The following FGFR2 variants were observed in gnomAD, a reference collection of about 807,000 sequenced individuals.
FGFR2 encodes the protein BEK fibroblast growth factor receptor.
Under a neutral mutation model 95.9 loss-of-function variants are expected in FGFR2, and 19 were observed. The ratio of observed to expected loss-of-function variants is 0.20; its 90% confidence interval spans 0.14 to 0.29. The LOEUF is 0.29. Ranked by LOEUF, FGFR2 falls within the 10% of genes least tolerant of loss-of-function variation. FGFR2 has a pLI of 1.00. For synonymous variants in FGFR2, 392 were observed against 393.3 expected, an observed-to-expected ratio of 1.00 and a Z score of 0.04; for missense variants, 707 against 1,056.9, an observed-to-expected ratio of 0.67 and a Z score of 4.59.
chr10:121,494,935 A>G (rs1846580351), intron 13 of FGFR2, among the ~76,000 whole-genome samples: 2 of 152,140 alleles, frequency 1.3e-5, no homozygotes, highest in Non-Finnish European at 2.9e-5. Context: ...CCTTTCTAAG[A>G]ACTGGCCACC....
intron 2 of FGFR2, 47 bp from the exon 3 acceptor site, chr10:121,565,751 G>T (rs1565000898): frequency 6.2e-7 from 1 of 1,612,048 alleles, no homozygotes. Context: ...GGGAAGGAGG[G>T]AGAGGAGAGA....
chr10:121,498,654 T>C, intron 11 of FGFR2, 49 bp from the exon 12 acceptor site: 2 of 1,487,094 alleles, frequency 1.3e-6, no homozygotes, highest in Non-Finnish European at 1.9e-6. Flanking sequence ...CTCTAACTCA[T>C]GGGCAGCTAC....
intron 13 of FGFR2, among the ~76,000 whole-genome samples, chr10:121,489,021 T>C (rs766783024): frequency 3.3e-5 from 5 of 152,158 alleles, no homozygotes; most frequent in Non-Finnish European, 5.9e-5. Flanking sequence ...TCAGATGCTA[T>C]TGATTTCTTG....
At chr10:121,487,620 A>T (rs778389827) in intron 14 of FGFR2, among the ~76,000 whole-genome samples, 196 bp from the exon 15 acceptor site, 1 of 152,184 alleles carries the variant, frequency 6.6e-6, no homozygotes, top group South Asian at 2.1e-4. Flanking sequence ...ATAAAATGCC[A>T]TCTCCTTGGA....
chr10:121,572,984 A>T (rs1312968012), intron 2 of FGFR2, among the ~76,000 whole-genome samples: 1 of 152,270 alleles, frequency 6.6e-6, no homozygotes, highest in African/African-American at 2.4e-5. Context: ...ACTTCACTGC[A>T]CACATCCAGC....
At chr10:121,482,976 TAG>T (rs1844950406) in intron 17 of FGFR2, among the ~76,000 whole-genome samples, 1 of 152,148 alleles carries the variant, frequency 6.6e-6, no homozygotes, top group Non-Finnish European at 1.5e-5. Flanking sequence ...TTTGTATTTT[TAG>T]TAGAGACAGG....
rs750312209 is a variant in FGFR2 at position 121,551,362 on chromosome 10, G to T, written c.552C>A (p.Asn184Lys). 3 of 1,614,178 alleles carry T rather than the reference G, an allele frequency of 1.9e-6. No homozygotes were observed. The highest frequency in any genetic ancestry group is 1.1e-5 in the South Asian group (1 of 91,082). Residue 184 changes from asparagine to lysine, a missense_variant, in exon 5 of 18, where the codon AAC becomes AAA. Asn to Lys is a moderately conservative substitution (Grantham distance 94). This residue lies in a region of FGFR2 where 139 missense variants were observed against 278.1 expected (regional missense o/e 0.50). Transcript: ENST00000358487. Reference sequence around the variant, plus strand: ...TCAGCCACCGCATGGTTGGCATTGGGTTCCCCCCGGCTGGGCAGCGAAACT... The same window carrying T: ...TCAGCCACCGCATGGTTGGCATTGGTTTCCCCCCGGCTGGGCAGCGAAACT... ...TVKFRCPAGGNPMPTMRWLKN... is the reference protein window; with the variant it reads ...TVKFRCPAGGKPMPTMRWLKN...
At chr10:121,538,492 G>T in intron 6 of FGFR2, 100 bp downstream of exon 6, 1 of 1,508,792 alleles carries the variant, frequency 6.6e-7, no homozygotes, top group Non-Finnish European at 9.2e-7. Flanking sequence ...CAATTCTCCT[G>T]AAACTTATGG....
At chr10:121,523,879 A>G (rs1850913020) in intron 6 of FGFR2, among the ~76,000 whole-genome samples, 1 of 152,238 alleles carries the variant, frequency 6.6e-6, no homozygotes, top group Non-Finnish European at 1.5e-5. Flanking sequence ...TCGTTTCACA[A>G]GTAAACATTG....
chr10:121,516,160 G>GT (rs745635544), intron 8 of FGFR2, among the ~76,000 whole-genome samples: 29 of 152,102 alleles, frequency 1.9e-4, no homozygotes, highest in Non-Finnish European at 4.3e-4. Context: ...TACAAGCAGT[G>GT]TATTTCCAAA....
chr10:121,591,003 A>ACC (rs780344086), intron 2 of FGFR2, among the ~76,000 whole-genome samples: 1 of 144,936 alleles, frequency 6.9e-6, no homozygotes, highest in African/African-American at 2.5e-5. Context: ...ACACACACAC[A>ACC]CACGCACACT....
At chr10:121,493,055 G>A (rs542194194) in intron 13 of FGFR2, among the ~76,000 whole-genome samples, 160 of 152,236 alleles carry the variant, frequency 1.1e-3, no homozygotes, top group South Asian at 2.9e-3. Context: ...GAGGACATCT[G>A]AGTCCTCCTG....
At chr10:121,491,019 C>T (rs941261153) in intron 13 of FGFR2, among the ~76,000 whole-genome samples, 2 of 152,206 alleles carry the variant, frequency 1.3e-5, no homozygotes, top group African/African-American at 4.8e-5. Flanking sequence ...AACTTCCAAG[C>T]CCCGGGCCAA....
intron 6 of FGFR2, among the ~76,000 whole-genome samples, chr10:121,523,877 C>G (rs1228414283): frequency 6.6e-6 from 1 of 152,186 alleles, no homozygotes; most frequent in Admixed American, 6.5e-5. Flanking sequence ...AATCGTTTCA[C>G]AAGTAAACAT....
chr10:121,562,943 G>A (rs1190375544), intron 4 of FGFR2, among the ~76,000 whole-genome samples: 2 of 152,038 alleles, frequency 1.3e-5, no homozygotes, highest in African/African-American at 2.4e-5. Context: ...GAAACTGCTC[G>A]AAAAAATAAA....
intron 13 of FGFR2, 136 bp downstream of exon 13, chr10:121,496,396 C>A: frequency 1.1e-6 from 1 of 904,418 alleles, no homozygotes; most frequent in East Asian, 2.4e-5. Context: ...ATGGGAATAA[C>A]GCAATAAATA....
intron 4 of FGFR2, among the ~76,000 whole-genome samples, chr10:121,563,492 G>A (rs928590575): frequency 1.3e-5 from 2 of 152,126 alleles, no homozygotes; most frequent in Admixed American, 1.3e-4. Flanking sequence ...TACCATGTAA[G>A]CAGAGAATCC....
In FGFR2 at chr10:121,478,586, G is replaced by C. The variant is rs553168000; in HGVS notation, c.*1271C>G. 3 of 233,252 alleles carry C rather than the reference G, an allele frequency of 1.3e-5. No individual in the cohort carries two copies. The highest frequency in any genetic ancestry group is 6.0e-5 in the East Asian group (1 of 16,564). The allele number at this position is 233,252 out of a possible 1,614,324, so 14.4% of individuals were successfully genotyped here. On this transcript the variant is annotated 3_prime_UTR_variant, in exon 18 of 18. Coordinates refer to ENST00000358487, the MANE Select transcript of FGFR2 (RefSeq NM_000141.5). ...TTTGTCTGATGTAGGTATGAGGCTG[G>C]ATCTTTTGGTGAGGTCCTGCCAGAA...
At chr10:121,597,583 A>G (rs1290203305) in intron 1 of FGFR2, among the ~76,000 whole-genome samples, 1 of 152,018 alleles carries the variant, frequency 6.6e-6, no homozygotes, top group Admixed American at 6.5e-5. Flanking sequence ...CTCGGAGATG[A>G]CCCCGGGAAC....
Sources: allele counts gnomAD v4.1 joint callset (sites outside exome capture counted in the v4.1 genomes callset), GRCh38; gene constraint gnomAD v4.1.1; regional missense constraint gnomAD v4.1.1; transcripts MANE v1.5; gene names NCBI Gene and HGNC (gene_info 2026-07-23, HGNC 2026-07-21).